POLD3: variants seen among roughly 807,000 people sequenced by gnomAD.
POLD3 encodes the protein DNA polymerase delta 3, accessory subunit.
POLD3 carries 19 observed loss-of-function variants against 58.2 expected under a neutral mutation model. The ratio of observed to expected loss-of-function variants is 0.33; its 90% confidence interval spans 0.23 to 0.48. The LOEUF (loss-of-function observed/expected upper bound fraction) is 0.48. Among genes scored for constraint, POLD3 ranks in the 20% least tolerant of loss-of-function variants. The pLI is 0.99. For missense variants in POLD3, 504 were observed against 545.5 expected, an observed-to-expected ratio of 0.92 and a Z score of 0.76; for synonymous variants, 172 against 193.5, an observed-to-expected ratio of 0.89 and a Z score of 0.92.
At chr11:74,602,034 C>T (rs1565112087) in intron 2 of POLD3, among the ~76,000 whole-genome samples, 2 of 152,112 alleles carry the variant, frequency 1.3e-5, no homozygotes, top group Non-Finnish European at 2.9e-5. Flanking sequence ...AAGGGTCTTA[C>T]CTGTCATTGC....
At chr11:74,632,936 T>TCACACACACACACA (rs2032638546) in intron 9 of POLD3, among the ~76,000 whole-genome samples, 1 of 77,560 alleles carries the variant, frequency 1.3e-5, no homozygotes, top group African/African-American at 9.9e-5. Context: ...ACACACACAG[T>TCACACACACACACA]TACTCTATGT....
intron 7 of POLD3, among the ~76,000 whole-genome samples, chr11:74,620,907 G>A (rs1791498): frequency 1.4e-5 from 2 of 146,944 alleles, no homozygotes; most frequent in South Asian, 2.2e-4. Context: ...TGGTGGTCAC[G>A]GGAGGGATTG....
chr11:74,651,758 G>A (rs529905485), intron 4 of POLD3, among the ~76,000 whole-genome samples: 14 of 152,310 alleles, frequency 9.2e-5, no homozygotes, highest in African/African-American at 2.9e-4. Context: ...GTGACCAACA[G>A]GGAGGTCATG....
At chr11:74,635,119 A>G (rs2032709984) in intron 10 of POLD3, among the ~76,000 whole-genome samples, 1 of 152,166 alleles carries the variant, frequency 6.6e-6, no homozygotes, top group Admixed American at 6.5e-5. Flanking sequence ...ACTGTCAACC[A>G]AAGGGGAAAT....
intron 3 of POLD3, among the ~76,000 whole-genome samples, chr11:74,609,826 A>C (rs1467340286): frequency 3.9e-5 from 6 of 152,162 alleles, no homozygotes; most frequent in Admixed American, 3.9e-4. Flanking sequence ...AGTTATAGAA[A>C]TATTCCTCAT....
chr11:74,612,545 A>G (rs115591405), intron 4 of POLD3, among the ~76,000 whole-genome samples: 1,731 of 152,336 alleles, frequency 0.011, 44 homozygotes, highest in African/African-American at 0.039. Context: ...GTACTCTTTA[A>G]TTATATGCTA....
chr11:74,655,471 G>A (rs977199360), intron 4 of POLD3, among the ~76,000 whole-genome samples: 7 of 152,176 alleles, frequency 4.6e-5, no homozygotes, highest in African/African-American at 1.7e-4. Flanking sequence ...AGAGAAACAG[G>A]AACATGTAAC....
chr11:74,639,389 A>C (rs1185413992), intron 11 of POLD3, among the ~76,000 whole-genome samples: 2 of 152,216 alleles, frequency 1.3e-5, no homozygotes, highest in African/African-American at 4.8e-5. Flanking sequence ...TATCAATAAA[A>C]GCTCAAGACT....
At chr11:74,653,178 G>A (rs1313642078) in intron 4 of POLD3, among the ~76,000 whole-genome samples, 1 of 152,198 alleles carries the variant, frequency 6.6e-6, no homozygotes, top group Non-Finnish European at 1.5e-5. Context: ...TTTTGCCAAA[G>A]TATTGCAAAA....
At chr11:74,653,207 C>T (rs2033089392) in intron 4 of POLD3, among the ~76,000 whole-genome samples, 1 of 152,170 alleles carries the variant, frequency 6.6e-6, no homozygotes, top group African/African-American at 2.4e-5. Flanking sequence ...AACTTTTGCA[C>T]CAACCTAATA....
intron 3 of POLD3, among the ~76,000 whole-genome samples, chr11:74,609,787 A>G (rs902854663): frequency 2.6e-5 from 4 of 152,098 alleles, no homozygotes; most frequent in African/African-American, 9.7e-5. Context: ...TTTTTTTTAC[A>G]TAACAGATTC....
downstream of POLD3, among the ~76,000 whole-genome samples, chr11:74,647,415 C>T (rs1591325170): frequency 6.6e-6 from 1 of 152,068 alleles, no homozygotes; most frequent in East Asian, 1.9e-4. Flanking sequence ...CCTGCAAGGT[C>T]TCTCCCACAT....
intron 5 of POLD3, among the ~76,000 whole-genome samples, chr11:74,614,498 C>T (rs1404817185): frequency 6.6e-6 from 1 of 152,138 alleles, no homozygotes; most frequent in Non-Finnish European, 1.5e-5. Context: ...ATCACGAGGT[C>T]AGGAGATTGA....
rs35334799 is a variant in POLD3, at chr11:74,664,637, CA to C, written c.370-4131del. ...TAATGAATATGGATGCAGAAATCCT[CA>C]AAAAAAAATTACGAAGATGAATCCA... On this transcript the variant is annotated intron_variant, in intron 4 of 4. Transcript: ENST00000524752. Among the ~76,000 whole-genome samples the C allele has an allele frequency of 1.8e-3, 274 of 151,180 alleles. 1 individual carries two copies. The highest frequency in any genetic ancestry group is 6.8e-3 in the Middle Eastern group (2 of 294).
Position 74,604,804 on chromosome 11 carries a change from C to T in POLD3, c.219+10C>T. On this transcript the variant is annotated intron_variant, in intron 3 of 11. Transcript: ENST00000263681. ...TCAGAATGGACATTCCGTAAGTTCTCAGAGCCTTGTAATGAGCTTAAATGT... is the reference window on the plus strand; with the variant it reads ...TCAGAATGGACATTCCGTAAGTTCTTAGAGCCTTGTAATGAGCTTAAATGT... The T allele has an allele frequency of 7.1e-7, 1 of 1,415,842 alleles. No homozygotes were observed. The highest frequency in any genetic ancestry group is 1.0e-6 in the Non-Finnish European group (1 of 998,748). The allele number at this position is 1,415,842 out of a possible 1,614,324, so 87.7% of individuals were successfully genotyped here.
intron 2 of POLD3, among the ~76,000 whole-genome samples, chr11:74,596,814 CGTGA>C (rs1565109656): frequency 6.6e-6 from 1 of 152,170 alleles, no homozygotes; most frequent in Non-Finnish European, 1.5e-5. Flanking sequence ...TTTCCACTTC[CGTGA>C]GATCACCTTT....
At chr11:74,597,781 A>C (rs1181427431) in intron 2 of POLD3, among the ~76,000 whole-genome samples, 1 of 152,164 alleles carries the variant, frequency 6.6e-6, no homozygotes, top group Non-Finnish European at 1.5e-5. Flanking sequence ...AACATTAGAA[A>C]TGCTTCAGTC....
chr11:74,602,224 G>A (rs892630610), intron 2 of POLD3, among the ~76,000 whole-genome samples: 4 of 152,106 alleles, frequency 2.6e-5, no homozygotes, highest in South Asian at 2.1e-4. Context: ...GATTACAGGC[G>A]TGAGCCACCA....
In POLD3 at chr11:74,605,887, C is replaced by T. The variant is rs189651901; in HGVS notation, c.219+1093C>T. On this transcript the variant is annotated intron_variant, in intron 3 of 11. Transcript: ENST00000263681. ...TCACTTGAGCCCAGGAGTTCGAGAC[C>T]AACCTGGGCAACCTAGCGAAACCCC... Among the ~76,000 whole-genome samples, 239 of 152,194 alleles carry T rather than the reference C, an allele frequency of 1.6e-3. 1 individual carries two copies. The highest frequency in any genetic ancestry group is 5.6e-3 in the African/African-American group (232 of 41,524).
Sources: allele counts gnomAD v4.1 joint callset (sites outside exome capture counted in the v4.1 genomes callset), GRCh38; gene constraint gnomAD v4.1.1; transcripts MANE v1.5; gene names NCBI Gene and HGNC (gene_info 2026-07-23, HGNC 2026-07-21).